Variants in TTLL3 observed in about 807,000 individuals in gnomAD.
TTLL3 encodes tubulin monoglycylase TTLL3.
In TTLL3, 63 loss-of-function variants were observed where a neutral mutation model predicts 75.2. The observed-to-expected ratio is 0.84, with a 90% CI of 0.68 to 1.03. The LOEUF is 1.03. TTLL3 is among the 50% of genes least tolerant of loss of function. The pLI is 0.00. For synonymous variants in TTLL3, 393 were observed against 418.5 expected (o/e 0.94, Z 0.74); for missense variants, 997 against 1,069.9 (o/e 0.93, Z 0.95).
chr3:9,835,546 A>T lies in TTLL3; in HGVS notation c.*57A>T. On this transcript the variant is annotated 3_prime_UTR_variant, in exon 14 of 14. Transcript: ENST00000685419. Reference sequence around the variant, plus strand: ...CCAGAATTCCCACCTAAGGACAGACATGGGGCTTCCTATTTAGGGACTCCC... The same window carrying T: ...CCAGAATTCCCACCTAAGGACAGACTTGGGGCTTCCTATTTAGGGACTCCC... 6.7e-7 allele frequency: 1 copy of T among 1,491,812 alleles called. No individual in the cohort carries two copies. Among genetic ancestry groups the T allele is most frequent in the Non-Finnish European group, 9.0e-7 (1 of 1,117,212 alleles). 92.4% of individuals were successfully genotyped at this position (1,491,812 alleles called of 1,614,324 possible).
At chr3:9,826,277 T>A (rs2081032712) in intron 9 of TTLL3, among the ~76,000 whole-genome samples, 1 of 152,182 alleles carries the variant, frequency 6.6e-6, no homozygotes, top group African/African-American at 2.4e-5. Flanking sequence ...TTTCACATGA[T>A]CCAGAAGGAT....
intron 8 of TTLL3, 146 bp from the exon 9 acceptor site, chr3:9,825,654 T>A: frequency 6.8e-7 from 1 of 1,463,226 alleles, no homozygotes; most frequent in Non-Finnish European, 9.4e-7. Flanking sequence ...GCCGGAGGCT[T>A]GGGAGGGACC....
intron 8 of TTLL3, among the ~76,000 whole-genome samples, chr3:9,822,628 A>G (rs534017056): frequency 6.6e-6 from 1 of 151,128 alleles, no homozygotes; most frequent in Non-Finnish European, 1.5e-5. Context: ...GGCTCAAGTG[A>G]TTTTCCCACC....
Position 9,835,281 on chromosome 3 carries a change from C to A in TTLL3, c.2240C>A (p.Pro747His), listed in dbSNP as rs780842336. 6.2e-7 allele frequency: 1 copy of A among 1,614,212 alleles called. No individual in the cohort carries two copies. The highest frequency in any genetic ancestry group is 8.5e-7 in the Non-Finnish European group (1 of 1,180,032). ...MKRLSPLKPLPLVGTFQRRRG... is the reference protein window; with the variant it reads ...MKRLSPLKPLHLVGTFQRRRG... ...AGGCTGAGCCCCCTGAAACCCCTGC[C>A]CCTTGTTGGTACATTCCAGAGGCGC... The change falls in exon 14 of 14, where the codon CCC becomes CAC. Residue 747 changes from proline to histidine, a missense_variant. Pro to His is a moderately conservative substitution (Grantham distance 77, BLOSUM62 -2). Transcript: ENST00000685419.
Position 9,835,821 on chromosome 3 carries a change from A to T in TTLL3, c.*332A>T. On this transcript the variant is annotated 3_prime_UTR_variant, in exon 14 of 14. Transcript: ENST00000685419. Reference sequence around the variant, plus strand: ...AGGGGAAGGAATTGGCCTTGCCTAAACCTCAGCCCTTCTGCAGAGGGCATG... The same window carrying T: ...AGGGGAAGGAATTGGCCTTGCCTAATCCTCAGCCCTTCTGCAGAGGGCATG... 3.6e-6 allele frequency: 1 copy of T among 279,438 alleles called. No individual in the cohort carries two copies. Among genetic ancestry groups the T allele is most frequent in the Non-Finnish European group, 6.7e-6 (1 of 149,804 alleles). The allele number at this position is 279,438 out of a possible 1,614,324, so 17.3% of individuals were successfully genotyped here.
At chr3:9,825,766 C>A in intron 8 of TTLL3, 34 bp from the exon 9 acceptor site, 1 of 1,613,864 alleles carries the variant, frequency 6.2e-7, no homozygotes, top group Non-Finnish European at 8.5e-7. Context: ...TGTCCCAGGT[C>A]CAGCCCTGCC....
chr3:9,833,395 C>T, intron 12 of TTLL3, 150 bp downstream of exon 12: 1 of 1,238,280 alleles, frequency 8.1e-7, no homozygotes, highest in Non-Finnish European at 1.1e-6. Flanking sequence ...GGCCACAGCC[C>T]TGGTCTGCCC....
rs113420876 is a variant in TTLL3, at chr3:9,811,496, C to T, written c.48+787C>T. 2.3e-3 allele frequency among the ~76,000 whole-genome samples: 358 copies of T among 152,344 alleles called. 1 individual carries two copies. The highest frequency in any genetic ancestry group is 8.1e-3 in the African/African-American group (337 of 41,582). On this transcript the variant is annotated intron_variant, in intron 2 of 13. Transcript: ENST00000685419. ...GATTCTCAACTCTAGCACCTTCTCCCGTCTGTGTTGTAACCACCTTCATTT... is the reference window on the plus strand; with the variant it reads ...GATTCTCAACTCTAGCACCTTCTCCTGTCTGTGTTGTAACCACCTTCATTT...
rs2082004221 is a variant in TTLL3 at position 9,836,201 on chromosome 3, A to C, written c.*712A>C. 2 of 151,902 alleles carry C rather than the reference A, an allele frequency of 1.3e-5. No homozygotes were observed. The highest frequency in any genetic ancestry group is 1.3e-4 in the Admixed American group (2 of 15,228). The allele number at this position is 151,902 out of a possible 1,614,324, so 9.4% of individuals were successfully genotyped here. On this transcript the variant is annotated 3_prime_UTR_variant, in exon 14 of 14. Coordinates refer to ENST00000685419, the MANE Select transcript of TTLL3 (RefSeq NM_001387446.1). ...GTAGTCCTAGCTACTCGGGAGGCCT[A>C]GGTGGGAGGATTACCTGAGCCTGGG...
chr3:9,812,611 G>A (rs2079460148), intron 2 of TTLL3, among the ~76,000 whole-genome samples: 1 of 152,162 alleles, frequency 6.6e-6, no homozygotes, highest in South Asian at 2.1e-4. Flanking sequence ...GGAAGAGGGT[G>A]CAGTGAGCCG....
chr3:9,819,405 C>A, intron 7 of TTLL3: 1 of 602,492 alleles, frequency 1.7e-6, no homozygotes, highest in South Asian at 6.6e-5. Flanking sequence ...GTTAGTTGAT[C>A]CACTCCTCAT....
intron 12 of TTLL3, 190 bp from the exon 13 acceptor site, chr3:9,834,491 G>T (rs1191357509): frequency 3.3e-6 from 3 of 917,194 alleles, no homozygotes; most frequent in Admixed American, 2.0e-5. Context: ...GCACAGCTGG[G>T]ATGCAGACCC....
At chr3:9,813,446 G>A in intron 4 of TTLL3, 101 bp downstream of exon 4, 1 of 1,336,568 alleles carries the variant, frequency 7.5e-7, no homozygotes, top group South Asian at 1.3e-5. Context: ...TCTTTCTCTG[G>A]GCCACAGTTT....
intron 12 of TTLL3, among the ~76,000 whole-genome samples, chr3:9,833,679 A>T (rs1008617108): frequency 2.6e-5 from 4 of 152,166 alleles, no homozygotes; most frequent in African/African-American, 9.7e-5. Flanking sequence ...AGTATTGTTT[A>T]AAAATACACA....
At chr3:9,833,316 C>G in intron 12 of TTLL3, 71 bp downstream of exon 12, 1 of 1,574,814 alleles carries the variant, frequency 6.3e-7, no homozygotes, top group East Asian at 2.3e-5. Flanking sequence ...GCCTGGGGCA[C>G]AGTGAGAAGC....
At chr3:9,833,001 T>A in intron 11 of TTLL3, 103 bp from the exon 12 acceptor site, 2 of 1,412,194 alleles carry the variant, frequency 1.4e-6, no homozygotes, top group Non-Finnish European at 2.0e-6. Context: ...TTTGACCAGG[T>A]GCCTCAGAAA....
intron 7 of TTLL3, chr3:9,819,225 A>G (rs908973028): frequency 1.1e-4 from 40 of 367,484 alleles, no homozygotes; most frequent in African/African-American, 8.0e-4. Flanking sequence ...TCAGCTCCAT[A>G]CTCCCCATCC....
At chr3:9,818,545 T>C (rs913452463) in intron 6 of TTLL3, 11 of 730,924 alleles carry the variant, frequency 1.5e-5, no homozygotes, top group Non-Finnish European at 2.0e-5. Context: ...ATTTTTTGTA[T>C]TTTTAGTAGA....
chr3:9,821,062 A>G (rs41331948), intron 8 of TTLL3: 3,703 of 323,892 alleles, frequency 0.011, 121 homozygotes, highest in African/African-American at 0.073. Context: ...GGTCCATCAC[A>G]TTTGGAAAAC....
Sources: gnomAD v4.1 joint callset for allele counts (sites outside exome capture counted in the v4.1 genomes callset) on GRCh38, gnomAD v4.1.1 for gene constraint, MANE v1.5 for transcripts, NCBI Gene and HGNC (gene_info 2026-07-23, HGNC 2026-07-21) for gene names.